The following VAV1 variants were observed in gnomAD, a reference collection of about 807,000 sequenced individuals.
The protein encoded by VAV1 is proto-oncogene vav.
VAV1 carries 33 observed loss-of-function variants against 128.1 expected under a neutral mutation model. That is an observed-to-expected ratio of 0.26 (90% confidence interval 0.20 to 0.34). The LOEUF (loss-of-function observed/expected upper bound fraction) is 0.34, where lower values mean the gene tolerates loss of function less well. VAV1 is among the 10% of genes least tolerant of loss of function. VAV1 has a pLI of 1.00. For synonymous variants in VAV1, 394 were observed against 409.8 expected (o/e 0.96, Z 0.47); for missense variants, 715 against 1,093.7 (o/e 0.65, Z 4.88).
chr19:6,784,279 T>C, intron 1 of VAV1: 1 of 545,124 alleles, frequency 1.8e-6, no homozygotes, highest in Non-Finnish European at 3.3e-6. Flanking sequence ...TGCAGGTCTG[T>C]GGAAATCTCA....
In VAV1 at chr19:6,826,875, T is replaced by G; in HGVS notation, c.927+164T>G. On this transcript the variant is annotated intron_variant, in intron 9 of 26. Transcript: ENST00000602142. The surrounding 1 kb of genome is among the most constrained non-coding windows in gnomAD (Gnocchi z 4.1). Reference sequence around the variant, plus strand: ...GTACTAGCCAGCCAAGCAGAGGAAATGGAGAAGAACAGAAATGGGCTGGCC... The same window carrying G: ...GTACTAGCCAGCCAAGCAGAGGAAAGGGAGAAGAACAGAAATGGGCTGGCC... 2 of 638,518 alleles carry G rather than the reference T, an allele frequency of 3.1e-6. No homozygotes were observed. The highest frequency in any genetic ancestry group is 5.6e-6 in the Non-Finnish European group (2 of 360,304). The allele number at this position is 638,518 out of a possible 1,614,324, so 39.6% of individuals were successfully genotyped here.
intron 8 of VAV1, among the ~76,000 whole-genome samples, chr19:6,825,991 C>T (rs1375620337): frequency 6.6e-6 from 1 of 151,930 alleles, no homozygotes; most frequent in Non-Finnish European, 1.5e-5. Context: ...TGCAGTGAGT[C>T]AAGATCATGC....
chr19:6,845,869 A>G (rs1480787601), intron 22 of VAV1, among the ~76,000 whole-genome samples: 1 of 148,102 alleles, frequency 6.8e-6, no homozygotes, highest in Non-Finnish European at 1.5e-5. Flanking sequence ...ACCATATATC[A>G]TAGTATATTT....
intron 1 of VAV1, among the ~76,000 whole-genome samples, chr19:6,809,218 C>G (rs1971463387): frequency 6.6e-6 from 1 of 151,992 alleles, no homozygotes; most frequent in Admixed American, 6.6e-5. Flanking sequence ...GAACTATAGG[C>G]ATGTGCCACC....
chr19:6,841,764 G>A (rs548046777), intron 21 of VAV1, among the ~76,000 whole-genome samples: 1 of 151,260 alleles, frequency 6.6e-6, no homozygotes, highest in African/African-American at 2.4e-5. Context: ...ATGAGCCACC[G>A]TGTCCAGCAC....
intron 1 of VAV1, among the ~76,000 whole-genome samples, chr19:6,778,516 C>G (rs1317385546): frequency 6.6e-6 from 1 of 152,096 alleles, no homozygotes; most frequent in South Asian, 2.1e-4. Context: ...TCTGGTACCA[C>G]CACTTCCTGG....
chr19:6,826,725 C>T lies in VAV1; in HGVS notation c.927+14C>T, dbSNP rs1971926851. ...ATGAAGCTGGAGGTGGGCGCCGGGC[C>T]ACTTCTCGGGGGCCTCTCCCGCTCC... is the stretch of plus-strand genomic sequence containing the variant. On this transcript the variant is annotated intron_variant, in intron 9 of 26. Coordinates refer to ENST00000602142, the MANE Select transcript of VAV1 (RefSeq NM_005428.4). The surrounding 1 kb of genome is among the most constrained non-coding windows in gnomAD (Gnocchi z 4.1). The T allele has an allele frequency of 6.5e-7, 1 of 1,537,826 alleles. No homozygotes were observed. Among genetic ancestry groups the T allele is most frequent in the South Asian group, 1.2e-5 (1 of 84,060 alleles).
chr19:6,790,393 A>G (rs1364991155), intron 1 of VAV1, among the ~76,000 whole-genome samples: 1 of 152,168 alleles, frequency 6.6e-6, no homozygotes, highest in African/African-American at 2.4e-5. Context: ...AGAACCACGG[A>G]TCGGATGTCT....
intron 25 of VAV1, 85 bp downstream of exon 25, chr19:6,853,164 C>A: frequency 8.3e-7 from 1 of 1,206,720 alleles, no homozygotes; most frequent in Non-Finnish European, 1.2e-6. Flanking sequence ...GACACCCCTT[C>A]CAATGGCCTT....
chr19:6,823,239 C>A (rs551135411), intron 6 of VAV1, among the ~76,000 whole-genome samples: 2 of 150,044 alleles, frequency 1.3e-5, no homozygotes, highest in East Asian at 3.9e-4. Flanking sequence ...AATCCTTCTG[C>A]TTCAGCCTCC....
In VAV1 at chr19:6,825,354, G is replaced by T; in HGVS notation, c.775G>T (p.Gly259Cys). 6.2e-7 allele frequency: 1 copy of T among 1,613,744 alleles called. No individual in the cohort carries two copies. The highest frequency in any genetic ancestry group is 8.5e-7 in the Non-Finnish European group (1 of 1,179,896). ...HFLKEMKEAL[G>C]TPGAANLYQV... ...CCTAAAGGAGATGAAGGAAGCCCTGGGCACCCCTGGCGCAGCCAATCTCTA... is the reference window on the plus strand; with the variant it reads ...CCTAAAGGAGATGAAGGAAGCCCTGTGCACCCCTGGCGCAGCCAATCTCTA... The change falls in exon 8 of 27, where the codon GGC (glycine) becomes TGC (cysteine). Residue 259 changes from glycine to cysteine, a missense_variant. Gly to Cys is a radical substitution (Grantham distance 159, BLOSUM62 -3). This residue lies in a region of VAV1 where 302 missense variants were observed against 477.8 expected (regional missense o/e 0.63). Transcript: ENST00000602142.
chr19:6,816,681 A>G (rs1424416563), intron 1 of VAV1, among the ~76,000 whole-genome samples: 1 of 151,900 alleles, frequency 6.6e-6, no homozygotes, highest in African/African-American at 2.4e-5. Flanking sequence ...TAAAATAGAC[A>G]CAGACGGGTG....
At chr19:6,804,323 C>T (rs897578445) in intron 1 of VAV1, among the ~76,000 whole-genome samples, 7 of 151,872 alleles carry the variant, frequency 4.6e-5, no homozygotes, top group Non-Finnish European at 1.0e-4. Context: ...GCTTTATTGC[C>T]GTGGCAGTGT....
intron 1 of VAV1, among the ~76,000 whole-genome samples, chr19:6,804,843 C>T (rs1971355126): frequency 6.6e-6 from 1 of 151,836 alleles, no homozygotes; most frequent in African/African-American, 2.4e-5. Flanking sequence ...CCTGCTTCAG[C>T]CTCCCAAGTA....
In VAV1 at chr19:6,828,723, C is replaced by T. The variant is rs916646125; in HGVS notation, c.1179+15C>T. 3 of 1,614,126 alleles carry T rather than the reference C, an allele frequency of 1.9e-6. No homozygotes were observed. Among genetic ancestry groups the T allele is most frequent in the Non-Finnish European group, 2.5e-6 (3 of 1,179,996 alleles). On this transcript the variant is annotated intron_variant, in intron 12 of 26. Transcript: ENST00000602142. This position sits in a 1 kb window ranked among gnomAD's most constrained non-coding sequence, Gnocchi z 4.5. ...TTGAGAACCTGGTGAGGCGGTGGAG[C>T]CGGGTGGGCCAGGGGTGTGGCCACG...
rs71177123 is a variant in VAV1 at position 6,844,063 on chromosome 19, C to CTTTTTTTTTTTT, written c.2012+927_2012+938dup. On this transcript the variant is annotated intron_variant, in intron 22 of 26. Transcript: ENST00000602142. ...ACTTTCTTCTTTTCTTCTTCTTCTT[C>CTTTTTTTTTTTT]TTTTTTTTTTTTTTTTTTTTTTTTT... Among the ~76,000 whole-genome samples the CTTTTTTTTTTTT allele has an allele frequency of 4.9e-3, 105 of 21,324 alleles. 37 individuals carry two copies. Among genetic ancestry groups the CTTTTTTTTTTTT allele is most frequent in the African/African-American group, 6.9e-3 (56 of 8,150 alleles). 14.0% of individuals were successfully genotyped at this position (21,324 alleles called of 152,430 possible).
At position 6,828,979 on chromosome 19, in the gene VAV1, G is replaced by C; in HGVS notation, c.1265+79G>C. ...AGGCTCCTAGATGGGCAGGTGGGTGGAGTCAACACAGATCTGGGTGGAGCC... is the reference window on the plus strand; with the variant it reads ...AGGCTCCTAGATGGGCAGGTGGGTGCAGTCAACACAGATCTGGGTGGAGCC... On this transcript the variant is annotated intron_variant, in intron 13 of 26. Transcript: ENST00000602142. This position sits in a 1 kb window ranked among gnomAD's most constrained non-coding sequence, Gnocchi z 4.5. 6.5e-7 allele frequency: 1 copy of C among 1,539,506 alleles called. No homozygotes were observed. The highest frequency in any genetic ancestry group is 8.9e-7 in the Non-Finnish European group (1 of 1,120,768).
Position 6,821,841 on chromosome 19 carries a change from G to A in VAV1, c.431G>A (p.Gly144Asp), listed in dbSNP as rs1599654536. 1 of 1,614,176 alleles carries A rather than the reference G, an allele frequency of 6.2e-7. No individual in the cohort carries two copies. Among genetic ancestry groups the A allele is most frequent in the Non-Finnish European group, 8.5e-7 (1 of 1,180,016 alleles). ...ESVGDEDIYS[G>D]LSDQIDDTVE... ...GTAGGTGATGAAGACATCTACAGTG[G>A]CCTGTCCGACCAGATCGAGTGAGTG... is the stretch of plus-strand genomic sequence containing the variant. The change falls in exon 4 of 27, where the codon GGC becomes GAC. Residue 144 changes from glycine (G) to aspartate (D), a missense_variant. Physicochemically the swap from Gly to Asp is moderately conservative, Grantham distance 94. Coordinates refer to ENST00000602142, the MANE Select transcript of VAV1 (RefSeq NM_005428.4).
At chr19:6,846,286 T>A (rs990128178) in intron 22 of VAV1, among the ~76,000 whole-genome samples, 3 of 151,546 alleles carry the variant, frequency 2.0e-5, no homozygotes, top group African/African-American at 7.2e-5. Flanking sequence ...TTTACGCTTA[T>A]ATAAAATTAT....
Sources: gnomAD v4.1 joint callset for allele counts (sites outside exome capture counted in the v4.1 genomes callset) on GRCh38, gnomAD v4.1.1 for gene constraint, gnomAD v4.1.1 regional missense constraint, Gnocchi (gnomAD v3.1) non-coding constraint, MANE v1.5 for transcripts, NCBI Gene and HGNC (gene_info 2026-07-23, HGNC 2026-07-21) for gene names.